KIAA1217: variants seen among roughly 807,000 people sequenced by gnomAD.
The protein encoded by KIAA1217 is KIAA1217.
Under a neutral mutation model 163.9 loss-of-function variants are expected in KIAA1217, and 88 were observed. The ratio of observed to expected loss-of-function variants is 0.54; its 90% CI spans 0.45 to 0.64. The LOEUF (loss-of-function observed/expected upper bound fraction) is 0.64. Among genes scored for constraint, KIAA1217 ranks in the 30% least tolerant of loss-of-function variants. The pLI is 0.00. For missense variants in KIAA1217, 2,372 were observed against 2,475.0 expected (o/e 0.96, Z 0.88); for synonymous variants, 903 against 923.1 (o/e 0.98, Z 0.39).
In KIAA1217 at chr10:24,219,768, G is replaced by GC. The variant is rs2069327670; in HGVS notation, c.217dup (p.Arg73ProfsTer13). 1 of 1,613,820 alleles carries GC rather than the reference G, an allele frequency of 6.2e-7. No individual in the cohort carries two copies. Among genetic ancestry groups the GC allele is most frequent in the South Asian group, 1.1e-5 (1 of 91,082 alleles). On this transcript the variant is annotated frameshift_variant, in exon 2 of 21. Transcript: ENST00000376454. LOFTEE classifies it high-confidence loss of function. Reference sequence around the variant, plus strand: ...TCCCAAGGAGACACACCCTAGGGGGGCCCCGAAGTTCCAAGGAAATACTGG... The same window carrying GC: ...TCCCAAGGAGACACACCCTAGGGGGGCCCCCGAAGTTCCAAGGAAATACTGG...
chr10:24,524,564 T>C lies in KIAA1217; in HGVS notation c.2698T>C (p.Ser900Pro), dbSNP rs147898647. The C allele has an allele frequency of 7.9e-4, 1,278 of 1,613,978 alleles. 1 individual carries two copies. The highest frequency in any genetic ancestry group is 9.2e-4 in the Non-Finnish European group (1,083 of 1,180,006). ...TGTGGTCATCCAGCCCTCCCAGCAC[T>C]CCGTGGCCCTGCTGAACCCTGCTCA... is the stretch of plus-strand genomic sequence containing the variant. ...SPVVIQPSQH[S>P]VALLNPAQNL... Residue 900 changes from serine (S) to proline (P), a missense_variant, in exon 13 of 21, where the codon TCC becomes CCC. Physicochemically the swap from Ser to Pro is moderately conservative, Grantham distance 74. Around this residue, in one of 3 missense-constraint regions of KIAA1217, gnomAD observed 1,431 missense variants for 1,470.3 expected, o/e 0.97. Coordinates refer to ENST00000376454, the MANE Select transcript of KIAA1217 (RefSeq NM_019590.5).
chr10:23,781,430 C>G (rs1835254390), intron 1 of KIAA1217, among the ~76,000 whole-genome samples: 1 of 152,098 alleles, frequency 6.6e-6, no homozygotes, highest in Non-Finnish European at 1.5e-5. Context: ...AAATATCTAT[C>G]CAGGTCCTTT....
intron 1 of KIAA1217, among the ~76,000 whole-genome samples, chr10:23,831,301 T>G (rs1335814): frequency 0.3 from 44,645 of 147,152 alleles, 7,531 homozygotes; most frequent in African/African-American, 0.46. Context: ...AAAAAAAAAA[T>G]GGAAAACCAA....
Position 24,120,462 on chromosome 10 carries a change from T to C in KIAA1217, c.-170-99164T>C, listed in dbSNP as rs149738179. ...TACTTGCTTTCTGGTGTAGCTATGC[T>C]TAAGAATTCGTGCTTCTTGCTATGG... On this transcript the variant is annotated intron_variant, in intron 2 of 18. Coordinates refer to the KIAA1217 transcript ENST00000376462. 3.1e-3 allele frequency among the ~76,000 whole-genome samples: 477 copies of C among 152,322 alleles called. 4 individuals carry two copies. The highest frequency in any genetic ancestry group is 0.011 in the African/African-American group (449 of 41,578).
intron 1 of KIAA1217, among the ~76,000 whole-genome samples, chr10:23,755,548 C>G (rs539342020): frequency 6.6e-6 from 1 of 152,068 alleles, no homozygotes; most frequent in Admixed American, 6.5e-5. Flanking sequence ...GTCTTTTCTC[C>G]CTGGTGGCCT....
intron 1 of KIAA1217, among the ~76,000 whole-genome samples, chr10:23,962,851 CT>C (rs995125805): frequency 4.6e-5 from 7 of 152,188 alleles, no homozygotes; most frequent in Non-Finnish European, 8.8e-5. Context: ...ACATGACCAG[CT>C]CCCCTTTAAC....
intron 2 of KIAA1217, among the ~76,000 whole-genome samples, chr10:24,331,461 G>T (rs1042692981): frequency 2.6e-5 from 4 of 152,228 alleles, no homozygotes; most frequent in African/African-American, 4.8e-5. Flanking sequence ...TCAATGCAGA[G>T]ATTAAATAGA....
intron 1 of KIAA1217, among the ~76,000 whole-genome samples, chr10:23,861,252 GTTTAGT>G (rs1839937440): frequency 1.3e-5 from 2 of 152,032 alleles, no homozygotes; most frequent in East Asian, 3.9e-4. Context: ...CTTCTATCCT[GTTTAGT>G]AACACAGGCA....
At chr10:23,844,269 C>T (rs1206068449) in intron 1 of KIAA1217, among the ~76,000 whole-genome samples, 4 of 152,090 alleles carry the variant, frequency 2.6e-5, no homozygotes, top group Non-Finnish European at 4.4e-5. Context: ...TTCTATCTTC[C>T]CTTTTATTCT....
At chr10:24,494,443 G>A (rs557976792) in intron 6 of KIAA1217, 57 bp from the exon 7 acceptor site, 27 of 1,449,338 alleles carry the variant, frequency 1.9e-5, no homozygotes, top group Admixed American at 1.5e-4. Context: ...GCATTCACCC[G>A]GACAAACTGG....
chr10:24,540,166 CTT>C (rs1189016801), intron 17 of KIAA1217, among the ~76,000 whole-genome samples: 13 of 152,324 alleles, frequency 8.5e-5, no homozygotes, highest in African/African-American at 2.9e-4. Context: ...ATCCTAGTGA[CTT>C]TCCATTAGAG....
At chr10:24,542,670 C>T (rs2075268181) in intron 17 of KIAA1217, 23 bp from the exon 18 acceptor site, 1 of 1,606,774 alleles carries the variant, frequency 6.2e-7, no homozygotes, top group Non-Finnish European at 8.5e-7. Flanking sequence ...TGTGGAGTAA[C>T]ATGTCCTACA....
chr10:24,441,506 C>T (rs1013243537), intron 5 of KIAA1217, among the ~76,000 whole-genome samples: 21 of 152,154 alleles, frequency 1.4e-4, no homozygotes, highest in Non-Finnish European at 2.4e-4. Context: ...ACTCAGGAAG[C>T]GTGCTAGACT....
intron 2 of KIAA1217, among the ~76,000 whole-genome samples, chr10:24,230,277 G>A (rs1284343755): frequency 1.3e-5 from 2 of 151,988 alleles, no homozygotes; most frequent in African/African-American, 2.4e-5. Context: ...TTTTTGGGGG[G>A]TGGATTTTGA....
rs1208007265 is a variant in KIAA1217 at position 23,934,587 on chromosome 10, ATATG to A, written c.-320-72634_-320-72631del. ...TATATATATATATATATATATATAT[ATATG>A]TATATATATATATATGTATATATAT... is the stretch of plus-strand genomic sequence containing the variant. On this transcript the variant is annotated intron_variant, in intron 1 of 18. Coordinates refer to the KIAA1217 transcript ENST00000376462. Among the ~76,000 whole-genome samples the A allele has an allele frequency of 4.6e-4, 28 of 60,314 alleles. 1 individual carries two copies. Among genetic ancestry groups the A allele is most frequent in the African/African-American group, 3.1e-3 (17 of 5,490 alleles). 39.6% of individuals were successfully genotyped at this position (60,314 alleles called of 152,430 possible).
rs140819336 is a variant in KIAA1217, at chr10:24,533,195, G to GGAA, written c.3386_3388dup (p.Glu1129dup). ...CCACCTCCTCCTCAAAGGATGAGGA[G>GGAA]GAAGAAGAAGAAGAAGGAGACAAAA... On this transcript the variant is annotated inframe_insertion, in exon 16 of 21. Transcript: ENST00000376454. The GGAA allele has an allele frequency of 1.5e-5, 24 of 1,612,604 alleles. No homozygotes were observed. Among genetic ancestry groups the GGAA allele is most frequent in the Non-Finnish European group, 2.0e-5 (23 of 1,179,464 alleles).
At chr10:24,269,811 G>A (rs563716274) in intron 2 of KIAA1217, among the ~76,000 whole-genome samples, 1 of 152,294 alleles carries the variant, frequency 6.6e-6, no homozygotes, top group African/African-American at 2.4e-5. Context: ...GCATTTTTAG[G>A]AGTAGCAGAG....
At chr10:24,316,240 G>A (rs2043352379) in intron 2 of KIAA1217, among the ~76,000 whole-genome samples, 2 of 152,178 alleles carry the variant, frequency 1.3e-5, no homozygotes, top group South Asian at 4.1e-4. Context: ...CCTTCAAAGT[G>A]AGATCCATTG....
chr10:24,466,553 G>A (rs1414479449), intron 5 of KIAA1217: 24 of 985,330 alleles, frequency 2.4e-5, no homozygotes, highest in Middle Eastern at 5.2e-4. Flanking sequence ...GCTTCTCTCC[G>A]AAAACTGGGT....
Sources: allele counts gnomAD v4.1 joint callset (sites outside exome capture counted in the v4.1 genomes callset), GRCh38; gene constraint gnomAD v4.1.1; regional missense constraint gnomAD v4.1.1; transcripts MANE v1.5; gene names NCBI Gene and HGNC (gene_info 2026-07-23, HGNC 2026-07-21).